KCND2: variants seen among roughly 807,000 people sequenced by gnomAD.
The protein encoded by KCND2 is A-type voltage-gated potassium channel KCND2.
KCND2 carries 16 observed loss-of-function variants against 54.4 expected under a neutral mutation model. The observed-to-expected ratio is 0.29, with a 90% CI of 0.20 to 0.45. The LOEUF is 0.45. Among genes scored for constraint, KCND2 ranks in the 20% least tolerant of loss-of-function variants. The probability of loss-of-function intolerance (pLI) is 1.00; values close to 1 mark genes in which losing one functional copy is unlikely to be tolerated. For synonymous variants in KCND2, 317 were observed against 310.7 expected (o/e 1.02, Z -0.21); for missense variants, 486 against 824.2 (o/e 0.59, Z 5.02).
At chr7:120,662,304 TCTC>T (rs1199559680) in intron 1 of KCND2, among the ~76,000 whole-genome samples, 1 of 152,184 alleles carries the variant, frequency 6.6e-6, no homozygotes, top group African/African-American at 2.4e-5. Flanking sequence ...ACTATAATCT[TCTC>T]CTAAATGCCT....
At chr7:120,553,809 G>T (rs1584825456) in intron 1 of KCND2, among the ~76,000 whole-genome samples, 1 of 152,304 alleles carries the variant, frequency 6.6e-6, no homozygotes, top group South Asian at 2.1e-4. Context: ...GAGAAAACGA[G>T]ATTTCTAGCA....
chr7:120,633,260 T>C (rs1171601456), intron 1 of KCND2, among the ~76,000 whole-genome samples: 1 of 152,148 alleles, frequency 6.6e-6, no homozygotes, highest in Non-Finnish European at 1.5e-5. Context: ...ATGCCACTTG[T>C]TGTAAAATTT....
At chr7:120,685,600 A>G (rs1186045694) in intron 1 of KCND2, among the ~76,000 whole-genome samples, 1 of 152,158 alleles carries the variant, frequency 6.6e-6, no homozygotes, top group East Asian at 1.9e-4. Flanking sequence ...GTCACTGTGG[A>G]GTCTGGCTTT....
At chr7:120,716,334 G>T (rs1584894436) in intron 1 of KCND2, among the ~76,000 whole-genome samples, 1 of 151,808 alleles carries the variant, frequency 6.6e-6, no homozygotes, top group Admixed American at 6.6e-5. Flanking sequence ...AAAAAAAATG[G>T]CCACTTATGA....
chr7:120,543,263 C>CT (rs1792003936), intron 1 of KCND2, among the ~76,000 whole-genome samples: 1 of 151,574 alleles, frequency 6.6e-6, no homozygotes, highest in Admixed American at 6.6e-5. Flanking sequence ...CTTCTGTCTC[C>CT]TTCTCACTCC....
intron 1 of KCND2, among the ~76,000 whole-genome samples, chr7:120,410,858 C>T (rs1009466156): frequency 2.0e-5 from 3 of 151,870 alleles, no homozygotes; most frequent in Non-Finnish European, 4.4e-5. Flanking sequence ...CATCCATGTC[C>T]CTACAGAGGA....
At chr7:120,488,912 A>G (rs891095490) in intron 1 of KCND2, among the ~76,000 whole-genome samples, 24 of 152,106 alleles carry the variant, frequency 1.6e-4, no homozygotes, top group Non-Finnish European at 5.9e-5. Flanking sequence ...ACTCATATTC[A>G]ATGAGTTTCT....
At chr7:120,561,011 G>A (rs1329906147) in intron 1 of KCND2, among the ~76,000 whole-genome samples, 1 of 152,078 alleles carries the variant, frequency 6.6e-6, no homozygotes, top group African/African-American at 2.4e-5. Flanking sequence ...CTGCGATTTT[G>A]CAAACAGTAA....
intron 1 of KCND2, among the ~76,000 whole-genome samples, chr7:120,281,861 A>AATTATTTTG (rs1267530440): frequency 1.3e-5 from 2 of 152,162 alleles, no homozygotes; most frequent in Non-Finnish European, 2.9e-5. Context: ...TCTTAAGCCA[A>AATTATTTTG]ATTATTTTGC....
At chr7:120,393,252 C>G (rs1801103874) in intron 1 of KCND2, among the ~76,000 whole-genome samples, 1 of 151,924 alleles carries the variant, frequency 6.6e-6, no homozygotes, top group Non-Finnish European at 1.5e-5. Context: ...TTGTAGATAA[C>G]TGTCAGACTT....
chr7:120,490,331 C>A (rs956522964), intron 1 of KCND2, among the ~76,000 whole-genome samples: 5 of 152,104 alleles, frequency 3.3e-5, no homozygotes, highest in Admixed American at 6.6e-5. Flanking sequence ...TTGCAAATAT[C>A]TTGAAATTTC....
chr7:120,603,598 T>C (rs954258283), intron 1 of KCND2, among the ~76,000 whole-genome samples: 1 of 152,170 alleles, frequency 6.6e-6, no homozygotes, highest in African/African-American at 2.4e-5. Context: ...AGCAATGAGA[T>C]AGGCATTGGA....
chr7:120,682,744 A>G (rs1179894062), intron 1 of KCND2, among the ~76,000 whole-genome samples: 1 of 152,186 alleles, frequency 6.6e-6, no homozygotes, highest in East Asian at 1.9e-4. Flanking sequence ...ATGTAACACA[A>G]TAGCCGGTTA....
intron 1 of KCND2, among the ~76,000 whole-genome samples, chr7:120,478,531 T>G (rs929259034): frequency 7.9e-5 from 12 of 152,150 alleles, no homozygotes; most frequent in African/African-American, 2.9e-4. Flanking sequence ...TTAACTTACC[T>G]TCAGTGTAAA....
chr7:120,328,710 C>T (rs1043746683), intron 1 of KCND2, among the ~76,000 whole-genome samples: 1 of 152,108 alleles, frequency 6.6e-6, no homozygotes, highest in Admixed American at 6.6e-5. Flanking sequence ...TTCATCTTTA[C>T]ATTTTCTTCT....
intron 1 of KCND2, among the ~76,000 whole-genome samples, chr7:120,376,732 A>C (rs966624029): frequency 6.6e-6 from 1 of 151,784 alleles, no homozygotes; most frequent in Admixed American, 6.6e-5. Flanking sequence ...GAATCATGAA[A>C]AACTTTAAGC....
At chr7:120,625,789 C>T (rs948495574) in intron 1 of KCND2, among the ~76,000 whole-genome samples, 2 of 151,828 alleles carry the variant, frequency 1.3e-5, no homozygotes, top group African/African-American at 2.4e-5. Context: ...ACAAAAAGAA[C>T]AATAATAAGA....
chr7:120,717,356 A>T (rs1222760977), intron 1 of KCND2, among the ~76,000 whole-genome samples: 1 of 152,170 alleles, frequency 6.6e-6, no homozygotes, highest in Non-Finnish European at 1.5e-5. Flanking sequence ...TGACTCAGGC[A>T]GGACAAGTGG....
At chr7:120,369,573 A>G (rs1484303002) in intron 1 of KCND2, among the ~76,000 whole-genome samples, 1 of 152,030 alleles carries the variant, frequency 6.6e-6, no homozygotes, top group East Asian at 1.9e-4. Flanking sequence ...CCAGATGTAG[A>G]GTCTGCATGA....
Sources: allele counts gnomAD v4.1 joint callset (sites outside exome capture counted in the v4.1 genomes callset), GRCh38; gene constraint gnomAD v4.1.1; transcripts MANE v1.5; gene names NCBI Gene and HGNC (gene_info 2026-07-23, HGNC 2026-07-21).